KIAA1217: variants seen among roughly 807,000 people sequenced by gnomAD.
The protein encoded by KIAA1217 is sickle tail protein homolog.
A neutral mutation model predicts 163.9 loss-of-function variants in KIAA1217; 88 were observed. The ratio of observed to expected loss-of-function variants is 0.54; its 90% CI spans 0.45 to 0.64. The LOEUF (loss-of-function observed/expected upper bound fraction) is 0.64. Ranked by LOEUF, KIAA1217 falls within the 30% of genes least tolerant of loss-of-function variation. The pLI, the probability that KIAA1217 is intolerant of heterozygous loss-of-function variation, is 0.00. For synonymous variants in KIAA1217, 903 were observed against 923.1 expected (o/e 0.98, Z 0.39); for missense variants, 2,372 against 2,475.0 (o/e 0.96, Z 0.88).
intron 2 of KIAA1217, among the ~76,000 whole-genome samples, chr10:24,378,523 A>G (rs1204579559): frequency 6.6e-6 from 1 of 152,064 alleles, no homozygotes; most frequent in East Asian, 1.9e-4. Flanking sequence ...TATTGCATAT[A>G]TATTATCTTT....
chr10:24,459,547 G>A (rs992606997), intron 5 of KIAA1217, among the ~76,000 whole-genome samples: 1 of 152,118 alleles, frequency 6.6e-6, no homozygotes, highest in African/African-American at 2.4e-5. Flanking sequence ...TAGCTACTCT[G>A]TAAATATATG....
intron 1 of KIAA1217, among the ~76,000 whole-genome samples, chr10:23,892,952 C>CTTTTT: frequency 6.6e-6 from 1 of 151,894 alleles, no homozygotes; most frequent in Non-Finnish European, 1.5e-5. Context: ...AGAAGATTCT[C>CTTTTT]TTTTTTGGTT....
intron 1 of KIAA1217, among the ~76,000 whole-genome samples, chr10:23,900,315 C>A (rs1841903490): frequency 6.6e-6 from 1 of 151,878 alleles, no homozygotes; most frequent in Non-Finnish European, 1.5e-5. Context: ...CCCTTCCTTT[C>A]TTTCTGATTA....
chr10:23,927,358 GT>G (rs1843068731), intron 1 of KIAA1217, among the ~76,000 whole-genome samples: 2 of 151,616 alleles, frequency 1.3e-5, no homozygotes, highest in African/African-American at 4.9e-5. Context: ...GTGTGTGTGT[GT>G]GGCCAAATGT....
At chr10:23,758,931 C>A (rs867097479) in intron 1 of KIAA1217, among the ~76,000 whole-genome samples, 2 of 150,346 alleles carry the variant, frequency 1.3e-5, no homozygotes, top group Non-Finnish European at 3.0e-5. Context: ...AGGTGATCCA[C>A]CTGGGGTGGG....
chr10:23,901,932 G>A (rs1223646343), intron 1 of KIAA1217, among the ~76,000 whole-genome samples: 32 of 143,778 alleles, frequency 2.2e-4, no homozygotes, highest in Non-Finnish European at 2.7e-4. Flanking sequence ...AAAAAAAAAG[G>A]AAGAAAGAAA....
intron 1 of KIAA1217, among the ~76,000 whole-genome samples, chr10:23,826,386 A>G (rs1837902193): frequency 6.6e-6 from 1 of 152,178 alleles, no homozygotes; most frequent in Non-Finnish European, 1.5e-5. Flanking sequence ...AGAACTTGAT[A>G]ATTATTCTTC....
At chr10:24,264,813 TTC>T (rs371606594) in intron 2 of KIAA1217, among the ~76,000 whole-genome samples, 1 of 131,018 alleles carries the variant, frequency 7.6e-6, no homozygotes, top group East Asian at 2.5e-4. Flanking sequence ...CATTCTCTCT[TTC>T]TCTCTCTCTC....
rs1451365866 is a variant in KIAA1217, at chr10:23,910,328, A to G, written c.-320-96897A>G. Among the ~76,000 whole-genome samples, 3 of 152,086 alleles carry G rather than the reference A, an allele frequency of 2.0e-5. No individual in the cohort carries two copies. The East Asian group carries it at 5.8e-4, about 29-fold the overall frequency. Reference sequence around the variant, plus strand: ...AAAGAAAAGAAAAGAAAGCTAAGGGAAAAAGTAGATAAGCGATTTCAAAAT... The same window carrying G: ...AAAGAAAAGAAAAGAAAGCTAAGGGGAAAAGTAGATAAGCGATTTCAAAAT... On this transcript the variant is annotated intron_variant, in intron 1 of 18. Transcript: ENST00000376462.
intron 1 of KIAA1217, among the ~76,000 whole-genome samples, chr10:23,976,964 C>T (rs1289169297): frequency 1.3e-5 from 2 of 152,176 alleles, no homozygotes; most frequent in Non-Finnish European, 1.5e-5. Flanking sequence ...AAACCCCATA[C>T]GACACCACTT....
chr10:24,131,821 T>C (rs932760735), intron 2 of KIAA1217, among the ~76,000 whole-genome samples: 6 of 152,220 alleles, frequency 3.9e-5, no homozygotes. Context: ...TGGCATGTTC[T>C]CTGGGGAGTT....
chr10:24,189,121 A>G (rs1009942436), intron 2 of KIAA1217, among the ~76,000 whole-genome samples: 9 of 94,250 alleles, frequency 9.5e-5, no homozygotes, highest in African/African-American at 2.3e-4. Context: ...AAAAAAAAAG[A>G]AAAGAAAAAG....
At chr10:24,249,199 TCA>T (rs2074198138) in intron 2 of KIAA1217, among the ~76,000 whole-genome samples, 1 of 152,218 alleles carries the variant, frequency 6.6e-6, no homozygotes, top group Non-Finnish European at 1.5e-5. Context: ...ATAAAATAGC[TCA>T]GTTCTGCAAC....
intron 2 of KIAA1217, among the ~76,000 whole-genome samples, chr10:24,269,667 T>C (rs1383471715): frequency 2.6e-5 from 4 of 152,212 alleles, no homozygotes; most frequent in Admixed American, 1.3e-4. Context: ...GGGGTTGGTT[T>C]TTCTCCTCAA....
At chr10:24,049,845 A>G (rs900977469) in intron 2 of KIAA1217, among the ~76,000 whole-genome samples, 1 of 152,182 alleles carries the variant, frequency 6.6e-6, no homozygotes, top group Admixed American at 6.5e-5. Flanking sequence ...GCTGGGTCAA[A>G]TGGTATTTCT....
intron 1 of KIAA1217, among the ~76,000 whole-genome samples, chr10:23,794,311 CA>C (rs1836095152): frequency 2.0e-5 from 3 of 152,118 alleles, no homozygotes. Context: ...GACATCAGGG[CA>C]GGGGGTAAAA....
chr10:24,063,785 C>T (rs1191962477), intron 2 of KIAA1217, among the ~76,000 whole-genome samples: 1 of 152,118 alleles, frequency 6.6e-6, no homozygotes, highest in African/African-American at 2.4e-5. Flanking sequence ...ATGGAATGTT[C>T]TTCCATTGGT....
chr10:24,521,407 T>G (rs1030273117), intron 11 of KIAA1217, among the ~76,000 whole-genome samples: 5 of 152,116 alleles, frequency 3.3e-5, no homozygotes, highest in Admixed American at 6.5e-5. Context: ...TCCAGGAAGC[T>G]GAGGCAGGAG....
At chr10:23,882,591 GA>G (rs757856188) in intron 1 of KIAA1217, among the ~76,000 whole-genome samples, 1 of 151,848 alleles carries the variant, frequency 6.6e-6, no homozygotes, top group Non-Finnish European at 1.5e-5. Context: ...TTGATTGCTG[GA>G]TTGATTTACA....
Sources: gnomAD v4.1 joint callset for allele counts (sites outside exome capture counted in the v4.1 genomes callset) on GRCh38, gnomAD v4.1.1 for gene constraint, MANE v1.5 for transcripts, NCBI Gene and HGNC (gene_info 2026-07-23, HGNC 2026-07-21) for gene names.